The following LOC400499 variants were observed in gnomAD, a reference collection of about 807,000 sequenced individuals.
At chr16:11,387,166 G>A in the LOC400499 span, 87 of 1,232,232 alleles carry the variant, frequency 7.1e-5, no homozygotes, top group Admixed American at 2.1e-4. Context: ...CAGCCAGCAC[G>A]TTGGCCCCAG....
At chr16:11,429,060 T>A in the LOC400499 span, among the ~76,000 whole-genome samples, 3 of 151,728 alleles carry the variant, frequency 2.0e-5, no homozygotes, top group Non-Finnish European at 4.4e-5. Context: ...CCTACTGAGG[T>A]TAAGGAAGGA....
At chr16:11,490,904 T>G in the LOC400499 span, among the ~76,000 whole-genome samples, 6 of 152,232 alleles carry the variant, frequency 3.9e-5, no homozygotes, top group Non-Finnish European at 7.3e-5. Context: ...AATTTTCCAT[T>G]TGTCCCTTGC....
At chr16:11,384,355 C>G in the LOC400499 span, 4 of 1,182,510 alleles carry the variant, frequency 3.4e-6, no homozygotes, top group Admixed American at 8.5e-5. Flanking sequence ...GGAGGCCGGC[C>G]GTAAGACCCT....
the LOC400499 span, chr16:11,396,580 G>A: frequency 8.1e-7 from 1 of 1,232,212 alleles, no homozygotes; most frequent in Non-Finnish European, 1.0e-6. Flanking sequence ...TGAGATGCAG[G>A]CCGTGGTCTG....
the LOC400499 span, chr16:11,380,857 C>G: frequency 6.5e-6 from 1 of 153,052 alleles, no homozygotes; most frequent in Non-Finnish European, 1.5e-5. Flanking sequence ...GCTTGATACA[C>G]AGATTCTCCG....
the LOC400499 span, among the ~76,000 whole-genome samples, chr16:11,432,989 A>T: frequency 6.6e-6 from 1 of 152,186 alleles, no homozygotes; most frequent in African/African-American, 2.4e-5. Flanking sequence ...TCTTTTTAAA[A>T]TCTAGAACAA....
the LOC400499 span, among the ~76,000 whole-genome samples, chr16:11,406,311 G>C: frequency 2.0e-5 from 3 of 152,184 alleles, no homozygotes; most frequent in Non-Finnish European, 4.4e-5. Flanking sequence ...TAGGATAATT[G>C]CATCCCTGCT....
the LOC400499 span, among the ~76,000 whole-genome samples, chr16:11,420,750 C>T: frequency 6.6e-6 from 1 of 152,084 alleles, no homozygotes; most frequent in Non-Finnish European, 1.5e-5. Flanking sequence ...GAGCCGCGGC[C>T]CAGCCGTGAC....
chr16:11,400,991 CA>C, the LOC400499 span, among the ~76,000 whole-genome samples: 2 of 152,324 alleles, frequency 1.3e-5, no homozygotes, highest in East Asian at 3.9e-4. Flanking sequence ...AATGATCAAT[CA>C]GAGACGCCTG....
chr16:11,484,463 T>A, the LOC400499 span, among the ~76,000 whole-genome samples: 4 of 152,158 alleles, frequency 2.6e-5, no homozygotes, highest in African/African-American at 9.7e-5. Flanking sequence ...GTGTGTCAAT[T>A]AGACCTCAAT....
chr16:11,447,017 G>T, the LOC400499 span: 1 of 1,297,632 alleles, frequency 7.7e-7, no homozygotes, highest in Middle Eastern at 2.7e-4. Context: ...AGCTTGCAGA[G>T]TTAAGACTCT....
the LOC400499 span, chr16:11,488,900 C>G: frequency 7.5e-6 from 3 of 398,592 alleles, no homozygotes; most frequent in Non-Finnish European, 1.3e-5. Context: ...AGGGAGGGGC[C>G]GTGAGGAAAG....
At chr16:11,477,873 T>C in the LOC400499 span, 18 of 398,976 alleles carry the variant, frequency 4.5e-5, no homozygotes, top group African/African-American at 3.5e-4. Flanking sequence ...TGGAAGTCAG[T>C]GGTTCCTCGG....
chr16:11,435,276 C>CT, the LOC400499 span, among the ~76,000 whole-genome samples: 3 of 151,968 alleles, frequency 2.0e-5, no homozygotes, highest in Non-Finnish European at 4.4e-5. Context: ...CCACACCTGG[C>CT]TAATTTTTTT....
chr16:11,448,387 A>T, the LOC400499 span, among the ~76,000 whole-genome samples: 1 of 152,186 alleles, frequency 6.6e-6, no homozygotes, highest in Admixed American at 6.5e-5. Context: ...AGGCCAAGAA[A>T]CTAAAGCTTG....
the LOC400499 span, among the ~76,000 whole-genome samples, chr16:11,435,271 C>A: frequency 1.3e-5 from 2 of 152,076 alleles, no homozygotes; most frequent in East Asian, 1.9e-4. Flanking sequence ...CCCCACCACA[C>A]CTGGCTAATT....
At chr16:11,444,799 G>A in the LOC400499 span, among the ~76,000 whole-genome samples, 4 of 152,118 alleles carry the variant, frequency 2.6e-5, no homozygotes, top group African/African-American at 9.7e-5. Flanking sequence ...AATAGAACTG[G>A]GGCCAGGTAC....
chr16:11,392,042 A>T, the LOC400499 span: 10 of 401,132 alleles, frequency 2.5e-5, no homozygotes, highest in Non-Finnish European at 4.4e-5. Flanking sequence ...GAGGCACCCA[A>T]GCCTTGAACC....
At chr16:11,502,872 C>G in the LOC400499 span, among the ~76,000 whole-genome samples, 5 of 148,358 alleles carry the variant, frequency 3.4e-5, no homozygotes, top group African/African-American at 1.2e-4. Flanking sequence ...CCTCGGCCTT[C>G]CAAAGTGCTG....
Sources: gnomAD v4.1 joint callset for allele counts (sites outside exome capture counted in the v4.1 genomes callset) on GRCh38, gnomAD v4.1.1 for gene constraint, MANE v1.5 for transcripts.